The following SCRN3 variants were observed in gnomAD, a reference collection of about 807,000 sequenced individuals.
SCRN3 encodes the protein secernin 3, also known as secernin-3.
In SCRN3, 39 loss-of-function variants were observed where a neutral mutation model predicts 43.1. The ratio of observed to expected loss-of-function variants is 0.91; its 90% confidence interval spans 0.70 to 1.18. SCRN3 has a LOEUF of 1.18. SCRN3 is among the 50% of genes most tolerant of loss of function. SCRN3 has a pLI of 0.00. For synonymous variants in SCRN3, 147 were observed against 163.1 expected, an observed-to-expected ratio of 0.90 and a Z score of 0.75; for missense variants, 484 against 498.0, an observed-to-expected ratio of 0.97 and a Z score of 0.27.
chr2:174,410,895 C>T (rs1685893421), intron 5 of SCRN3, among the ~76,000 whole-genome samples: 1 of 152,066 alleles, frequency 6.6e-6, no homozygotes, highest in Non-Finnish European at 1.5e-5. Context: ...AAGAGAGGGC[C>T]CACACAATCC....
At chr2:174,396,970 T>G in intron 1 of SCRN3, 1 of 564,142 alleles carries the variant, frequency 1.8e-6, no homozygotes, top group Non-Finnish European at 2.2e-6. Flanking sequence ...GTCTTATTTT[T>G]CTGATGAGGC....
At chr2:174,402,977 A>C (rs1319657592) in intron 4 of SCRN3, among the ~76,000 whole-genome samples, 1 of 152,000 alleles carries the variant, frequency 6.6e-6, no homozygotes, top group East Asian at 1.9e-4. Flanking sequence ...TCATGCCATA[A>C]TATTTTTGGA....
chr2:174,426,482 T>C (rs1318514268), intron 7 of SCRN3, among the ~76,000 whole-genome samples: 1 of 152,200 alleles, frequency 6.6e-6, no homozygotes, highest in African/African-American at 2.4e-5. Flanking sequence ...TTAAAAATTA[T>C]GCTCACAGGC....
chr2:174,410,775 C>T (rs890226785), intron 5 of SCRN3, among the ~76,000 whole-genome samples: 1 of 152,004 alleles, frequency 6.6e-6, no homozygotes, highest in Non-Finnish European at 1.5e-5. Flanking sequence ...ATAGGAATTC[C>T]CTCTTTCCAC....
intron 6 of SCRN3, 86 bp from the exon 7 acceptor site, chr2:174,424,389 A>G: frequency 1.0e-6 from 1 of 976,738 alleles, no homozygotes; most frequent in East Asian, 2.6e-5. Flanking sequence ...AGAAACTTCT[A>G]ATTGAGAGAA....
Position 174,411,896 on chromosome 2 carries a change from G to C in SCRN3, c.754+7581G>C, listed in dbSNP as rs142314710. On this transcript the variant is annotated intron_variant, in intron 5 of 7. Coordinates refer to ENST00000272732, the MANE Select transcript of SCRN3 (RefSeq NM_024583.5). The stretch of plus-strand genomic sequence containing the variant: ...AGATTGCACCACTGCACTCCAGCCT[G>C]GGTGTCAGAGCCAGGCTCTGTCTCA... Among the ~76,000 whole-genome samples the C allele has an allele frequency of 6.4e-3, 968 of 152,254 alleles. 10 individuals carry two copies. The highest frequency in any genetic ancestry group is 0.022 in the African/African-American group (922 of 41,540).
In SCRN3 at chr2:174,398,367, T is replaced by C. The variant is rs765981173; in HGVS notation, c.84T>C (p.Asp28=). ...DNRIIFGKNS[D]RLYDEVQEVV... ...GGATTATTTTTGGAAAAAATTCAGATAGACTCTATGATGAAGTACAAGAGG... is the reference window on the plus strand; with the variant it reads ...GGATTATTTTTGGAAAAAATTCAGACAGACTCTATGATGAAGTACAAGAGG... Residue 28 remains aspartate, a synonymous_variant, in exon 2 of 8, where the codon GAT becomes GAC. Coordinates refer to ENST00000272732, the MANE Select transcript of SCRN3 (RefSeq NM_024583.5). The C allele has an allele frequency of 1.7e-5, 27 of 1,609,028 alleles. No individual in the cohort carries two copies. The highest frequency in any genetic ancestry group is 2.1e-5 in the Non-Finnish European group (25 of 1,178,292).
chr2:174,409,041 T>A (rs1574654705), intron 5 of SCRN3, among the ~76,000 whole-genome samples: 1 of 87,428 alleles, frequency 1.1e-5, no homozygotes, highest in Admixed American at 1.2e-4. Context: ...CTGGATAATA[T>A]CCTGCAGAGT....
chr2:174,398,794 T>C (rs536031496), intron 2 of SCRN3, among the ~76,000 whole-genome samples: 12 of 152,296 alleles, frequency 7.9e-5, no homozygotes, highest in African/African-American at 2.4e-4. Context: ...TAAAATAGGA[T>C]GGTTTAAATG....
In SCRN3 at chr2:174,415,675, C is replaced by T. The variant is rs142957365; in HGVS notation, c.755-7210C>T. 6.6e-5 allele frequency among the ~76,000 whole-genome samples: 10 copies of T among 152,184 alleles called. No homozygotes were observed. The East Asian group carries it at 1.7e-3, about 26-fold the overall frequency. ...AAAAATTTTTTTTGAGACAATGTCT[C>T]GATCCAATACTCAGGCTGGAGTGCA... On this transcript the variant is annotated intron_variant, in intron 5 of 7. Transcript: ENST00000272732.
chr2:174,397,492 T>C, intron 1 of SCRN3: 1 of 625,012 alleles, frequency 1.6e-6, no homozygotes, highest in Non-Finnish European at 2.0e-6. Flanking sequence ...TGGAATTATA[T>C]TGACATATTT....
chr2:174,420,015 C>T (rs1212458911), intron 5 of SCRN3, among the ~76,000 whole-genome samples: 1 of 152,078 alleles, frequency 6.6e-6, no homozygotes, highest in Non-Finnish European at 1.5e-5. Flanking sequence ...ATCCTGAAGG[C>T]TGAGAGAAGA....
At chr2:174,427,052 G>A (rs1284595974) in intron 7 of SCRN3, among the ~76,000 whole-genome samples, 4 of 151,888 alleles carry the variant, frequency 2.6e-5, no homozygotes, top group African/African-American at 9.7e-5. Context: ...GGCTGGTCTC[G>A]AACTCCTGAC....
intron 4 of SCRN3, among the ~76,000 whole-genome samples, chr2:174,401,928 G>A (rs529438318): frequency 3.9e-5 from 6 of 152,094 alleles, no homozygotes; most frequent in Non-Finnish European, 5.9e-5. Context: ...GTTAAATGGT[G>A]CACGAATGAT....
intron 5 of SCRN3, among the ~76,000 whole-genome samples, chr2:174,408,819 G>A (rs13030965): frequency 0.15 from 17,462 of 117,536 alleles, 1,235 homozygotes; most frequent in Middle Eastern, 0.33. Flanking sequence ...GGTTTCTGCC[G>A]AGAGATCTGC....
intron 5 of SCRN3, among the ~76,000 whole-genome samples, chr2:174,408,507 A>T (rs1375640337): frequency 4.7e-5 from 7 of 148,172 alleles, no homozygotes; most frequent in African/African-American, 9.8e-5. Context: ...CATTATGATG[A>T]TAGCTGGTGA....
chr2:174,398,707 A>G (rs1685408639), intron 2 of SCRN3, among the ~76,000 whole-genome samples: 1 of 152,232 alleles, frequency 6.6e-6, no homozygotes, highest in African/African-American at 2.4e-5. Context: ...AGAGATTTAA[A>G]GTCAGCTGTC....
intron 7 of SCRN3, among the ~76,000 whole-genome samples, chr2:174,425,209 C>T (rs530992578): frequency 4.0e-4 from 61 of 152,112 alleles, no homozygotes; most frequent in South Asian, 1.0e-3. Context: ...AAAATGTAAG[C>T]ATTATATAAG....
chr2:174,424,398 A>C, intron 6 of SCRN3, 77 bp from the exon 7 acceptor site: 1 of 1,043,430 alleles, frequency 9.6e-7, no homozygotes, highest in Non-Finnish European at 1.4e-6. Context: ...TAATTGAGAG[A>C]ATCTTAGAAG....
Sources: allele counts gnomAD v4.1 joint callset (sites outside exome capture counted in the v4.1 genomes callset), GRCh38; gene constraint gnomAD v4.1.1; transcripts MANE v1.5; gene names NCBI Gene and HGNC (gene_info 2026-07-23, HGNC 2026-07-21).